Variants in MGLL observed in about 807,000 individuals in gnomAD.
MGLL encodes the protein lysophospholipase homolog.
Under a neutral mutation model 29.1 loss-of-function variants are expected in MGLL, and 7 were observed. That is an observed-to-expected ratio of 0.24 (90% CI 0.14 to 0.45). The LOEUF (loss-of-function observed/expected upper bound fraction) is 0.45. Ranked by LOEUF, MGLL falls within the 20% of genes least tolerant of loss-of-function variation. The pLI is 0.99. For synonymous variants in MGLL, 148 were observed against 168.3 expected, an observed-to-expected ratio of 0.88 and a Z score of 0.93; for missense variants, 356 against 413.6, an observed-to-expected ratio of 0.86 and a Z score of 1.21.
chr3:127,709,078 T>C (rs2075659785), intron 6 of MGLL, among the ~76,000 whole-genome samples: 1 of 152,266 alleles, frequency 6.6e-6, no homozygotes, highest in South Asian at 2.1e-4. Context: ...ATCTCATTCA[T>C]GTCAGGATTA....
intron 6 of MGLL, among the ~76,000 whole-genome samples, chr3:127,700,608 G>T (rs894170705): frequency 2.0e-5 from 3 of 152,142 alleles, no homozygotes; most frequent in African/African-American, 7.2e-5. Context: ...GTAAACTCTG[G>T]TGCAATGGAT....
At chr3:127,699,645 C>G (rs1029180762) in intron 6 of MGLL, among the ~76,000 whole-genome samples, 3 of 152,244 alleles carry the variant, frequency 2.0e-5, no homozygotes, top group Non-Finnish European at 2.9e-5. Flanking sequence ...CATCAGCATT[C>G]TTAGCCACTT....
intron 3 of MGLL, among the ~76,000 whole-genome samples, chr3:127,760,897 C>T (rs1027204012): frequency 1.3e-5 from 2 of 152,312 alleles, no homozygotes; most frequent in African/African-American, 2.4e-5. Flanking sequence ...ACTCTGCTGC[C>T]GTAGGATTAA....
intron 2 of MGLL, among the ~76,000 whole-genome samples, chr3:127,786,054 C>T (rs948424831): frequency 3.3e-5 from 5 of 152,168 alleles, no homozygotes; most frequent in Admixed American, 1.3e-4. Context: ...GAGTCCAGAG[C>T]GCCATGTGGA....
intron 5 of MGLL, among the ~76,000 whole-genome samples, chr3:127,720,851 G>C (rs1182142029): frequency 2.0e-5 from 3 of 152,182 alleles, no homozygotes; most frequent in Admixed American, 2.0e-4. Flanking sequence ...TTGTCTTTTT[G>C]TCTTGGGGGA....
intron 6 of MGLL, among the ~76,000 whole-genome samples, chr3:127,699,615 C>T (rs2075438853): frequency 6.6e-6 from 1 of 152,202 alleles, no homozygotes; most frequent in Non-Finnish European, 1.5e-5. Flanking sequence ...AAGGTAAGAA[C>T]CTAGGCACTC....
At chr3:127,743,906 C>T (rs1252428833) in intron 3 of MGLL, among the ~76,000 whole-genome samples, 2 of 152,142 alleles carry the variant, frequency 1.3e-5, no homozygotes, top group Admixed American at 1.3e-4. Flanking sequence ...CTCAGCACAA[C>T]ATGTTTTCGT....
intron 6 of MGLL, among the ~76,000 whole-genome samples, chr3:127,709,262 G>A (rs1278048440): frequency 6.6e-6 from 1 of 152,148 alleles, no homozygotes; most frequent in Non-Finnish European, 1.5e-5. Context: ...CCAAGATGTA[G>A]GTTTGGGAGG....
At chr3:127,754,953 C>A (rs1043031904) in intron 3 of MGLL, among the ~76,000 whole-genome samples, 1 of 152,128 alleles carries the variant, frequency 6.6e-6, no homozygotes, top group African/African-American at 2.4e-5. Context: ...ATTCACCTAG[C>A]GCCCCAGAGA....
At chr3:127,709,523 G>A (rs1181893143) in intron 6 of MGLL, among the ~76,000 whole-genome samples, 3 of 152,170 alleles carry the variant, frequency 2.0e-5, no homozygotes, top group Non-Finnish European at 4.4e-5. Flanking sequence ...AGGGCCAGAA[G>A]GCCACAGTTT....
chr3:127,723,182 C>A (rs907527767), intron 3 of MGLL, among the ~76,000 whole-genome samples: 6 of 152,238 alleles, frequency 3.9e-5, no homozygotes, highest in African/African-American at 1.4e-4. Flanking sequence ...GTGCTGTTCA[C>A]CCCCTTGTTC....
rs186559776 is a variant in MGLL at position 127,815,360 on chromosome 3, C to A, written c.155+6334G>T. Among the ~76,000 whole-genome samples the A allele has an allele frequency of 1.4e-4, 21 of 152,350 alleles. No homozygotes were observed. The East Asian group carries it at 3.9e-3, about 28-fold the overall frequency. ...AAGGAGAATCCCACATTCCCACACCCTCAATAACACCAGCTCCTTCTGCCA... is the reference window on the plus strand; with the variant it reads ...AAGGAGAATCCCACATTCCCACACCATCAATAACACCAGCTCCTTCTGCCA... On this transcript the variant is annotated intron_variant, in intron 2 of 7. Coordinates refer to ENST00000265052, the MANE Select transcript of MGLL (RefSeq NM_007283.7).
rs200964801 is a variant in MGLL, at chr3:127,722,579, G to A, written c.263-13C>T. 2.2e-5 allele frequency: 35 copies of A among 1,614,210 alleles called. No homozygotes were observed. The highest frequency in any genetic ancestry group is 9.9e-5 in the South Asian group (9 of 91,076). ...TGTCCGTGGCCAACTGGAAAGGAAC[G>A]GGAGATGAGAGAGAGCTGCAGTTAC... On this transcript the variant is annotated splice_polypyrimidine_tract_variant and intron_variant, in intron 3 of 7. Transcript: ENST00000265052.
intron 2 of MGLL, among the ~76,000 whole-genome samples, chr3:127,804,105 A>C (rs2077524478): frequency 6.6e-6 from 1 of 152,260 alleles, no homozygotes; most frequent in African/African-American, 2.4e-5. Flanking sequence ...AATAATATGA[A>C]ATTTAAATAG....
chr3:127,713,487 G>C (rs1437929182), intron 5 of MGLL: 1 of 152,356 alleles, frequency 6.6e-6, no homozygotes, highest in East Asian at 1.9e-4. Flanking sequence ...GGACATGACT[G>C]TTTTATGTAA....
chr3:127,701,197 A>G (rs1449448400), intron 6 of MGLL, among the ~76,000 whole-genome samples: 17 of 117,048 alleles, frequency 1.5e-4, no homozygotes, highest in African/African-American at 6.7e-4. Flanking sequence ...CCTGGGCAAG[A>G]GAGCGAGACC....
At chr3:127,819,950 G>A (rs1319995037) in intron 2 of MGLL, among the ~76,000 whole-genome samples, 1 of 152,166 alleles carries the variant, frequency 6.6e-6, no homozygotes, top group Admixed American at 6.5e-5. Context: ...GCTGGAGGCA[G>A]GGCAGGACAG....
Position 127,701,215 on chromosome 3 carries a change from C to CA in MGLL, c.601-6026dup, listed in dbSNP as rs60128956. On this transcript the variant is annotated intron_variant, in intron 6 of 7. Transcript: ENST00000265052. ...GGGCAAGAGAGCGAGACCCTGCCTC[C>CA]AAAAAAAAAAAAAAAAAAGCCACCA... Among the ~76,000 whole-genome samples the CA allele has an allele frequency of 2.7e-3, 152 of 56,344 alleles. 2 individuals carry two copies. The highest frequency in any genetic ancestry group is 8.3e-3 in the South Asian group (10 of 1,202). 37.0% of individuals were successfully genotyped at this position (56,344 alleles called of 152,430 possible).
chr3:127,818,098 C>T (rs982682364), intron 2 of MGLL, among the ~76,000 whole-genome samples: 1 of 152,156 alleles, frequency 6.6e-6, no homozygotes, highest in East Asian at 1.9e-4. Flanking sequence ...GTAGCGGGGG[C>T]TACAGGCGTC....
Sources: allele counts gnomAD v4.1 joint callset (sites outside exome capture counted in the v4.1 genomes callset), GRCh38; gene constraint gnomAD v4.1.1; transcripts MANE v1.5; gene names NCBI Gene and HGNC (gene_info 2026-07-23, HGNC 2026-07-21).